KCNJ6: variants seen among roughly 807,000 people sequenced by gnomAD.
KCNJ6 encodes the protein G protein-activated inward rectifier potassium channel 2.
Under a neutral mutation model 34.2 loss-of-function variants are expected in KCNJ6, and 9 were observed. The ratio of observed to expected loss-of-function variants is 0.26; its 90% CI spans 0.16 to 0.46. The LOEUF (loss-of-function observed/expected upper bound fraction) is 0.46. Ranked by LOEUF, KCNJ6 falls within the 20% of genes least tolerant of loss-of-function variation. KCNJ6 has a pLI of 1.00. For synonymous variants in KCNJ6, 196 were observed against 207.1 expected, an observed-to-expected ratio of 0.95 and a Z score of 0.46; for missense variants, 236 against 531.3, an observed-to-expected ratio of 0.44 and a Z score of 5.46.
At chr21:37,845,897 A>C (rs1300892885) in intron 1 of KCNJ6, among the ~76,000 whole-genome samples, 1 of 152,128 alleles carries the variant, frequency 6.6e-6, no homozygotes, top group African/African-American at 2.4e-5. Context: ...GAGCTATGCT[A>C]TTTTGCTCTA....
At chr21:37,865,277 A>G (rs2055616902) in intron 1 of KCNJ6, among the ~76,000 whole-genome samples, 1 of 152,240 alleles carries the variant, frequency 6.6e-6, no homozygotes, top group Admixed American at 6.5e-5. Context: ...GAAATACTCT[A>G]CTTCACTTGA....
At chr21:37,895,354 T>C (rs1362833166) in intron 1 of KCNJ6, among the ~76,000 whole-genome samples, 1 of 152,186 alleles carries the variant, frequency 6.6e-6, no homozygotes, top group Non-Finnish European at 1.5e-5. Context: ...CTAGCTTCAA[T>C]ATGACCCCAT....
Position 37,720,524 on chromosome 21 carries a change from C to A in KCNJ6, c.26-5393G>T, listed in dbSNP as rs534939687. Among the ~76,000 whole-genome samples the A allele has an allele frequency of 1.4e-4, 22 of 152,192 alleles. 1 individual carries two copies. Among genetic ancestry groups the A allele is most frequent in the Non-Finnish European group, 2.9e-4 (20 of 67,980 alleles). On this transcript the variant is annotated intron_variant, in intron 2 of 3. Coordinates refer to ENST00000609713, the MANE Select transcript of KCNJ6 (RefSeq NM_002240.5). ...TTGAAGGAGGAGGGTGTCCAGGAGG[C>A]CTGGGGGCTGGGGGCGCTGTCACAG...
At chr21:37,908,655 A>ATG (rs950025246) in intron 1 of KCNJ6, among the ~76,000 whole-genome samples, 3 of 152,166 alleles carry the variant, frequency 2.0e-5, no homozygotes, top group African/African-American at 7.2e-5. Context: ...ATCAAACAAT[A>ATG]TGTATTTGCA....
At chr21:37,790,617 G>T (rs777450419) in intron 2 of KCNJ6, among the ~76,000 whole-genome samples, 1 of 152,162 alleles carries the variant, frequency 6.6e-6, no homozygotes, top group Non-Finnish European at 1.5e-5. Context: ...TTCACTCTGC[G>T]TAGGTTTTTA....
intron 1 of KCNJ6, among the ~76,000 whole-genome samples, chr21:37,849,560 G>A (rs1389611413): frequency 6.6e-6 from 1 of 152,064 alleles, no homozygotes; most frequent in Admixed American, 6.5e-5. Context: ...CCAGCTCCCC[G>A]CATTCCATGG....
intron 3 of KCNJ6, among the ~76,000 whole-genome samples, chr21:37,697,510 A>ACTCTGGTACCAGCTACG (rs1365540731): frequency 6.6e-6 from 1 of 152,196 alleles, no homozygotes; most frequent in African/African-American, 2.4e-5. Flanking sequence ...CATATGTGCT[A>ACTCTGGTACCAGCTACG]CTGGTACTCA....
intron 3 of KCNJ6, among the ~76,000 whole-genome samples, chr21:37,666,959 C>G (rs1177226141): frequency 6.6e-6 from 1 of 150,518 alleles, no homozygotes; most frequent in Non-Finnish European, 1.5e-5. Context: ...GCAGCATACT[C>G]GTTAAGAGTC....
In KCNJ6 at chr21:37,621,184, A is replaced by T. The variant is rs141706062; in HGVS notation, c.*3975T>A. 333 of 152,350 alleles carry T rather than the reference A, an allele frequency of 2.2e-3. 2 individuals carry two copies. Among genetic ancestry groups the T allele is most frequent in the African/African-American group, 7.3e-3 (303 of 41,588 alleles). The allele number at this position is 152,350 out of a possible 1,614,324, so 9.4% of individuals were successfully genotyped here. ...TCAACTACCTTCCTGACATTTTTAAATCATACAGAGTATCACCCAAGTCAA... is the reference window on the plus strand; with the variant it reads ...TCAACTACCTTCCTGACATTTTTAATTCATACAGAGTATCACCCAAGTCAA... On this transcript the variant is annotated 3_prime_UTR_variant, in exon 4 of 4. Coordinates refer to ENST00000609713, the MANE Select transcript of KCNJ6 (RefSeq NM_002240.5).
At chr21:37,724,082 G>T (rs2054841354) in intron 2 of KCNJ6, among the ~76,000 whole-genome samples, 1 of 152,196 alleles carries the variant, frequency 6.6e-6, no homozygotes, top group Non-Finnish European at 1.5e-5. Flanking sequence ...GAAAAGAGAG[G>T]TGGATGAAGC....
chr21:37,855,703 T>G (rs897277367), intron 1 of KCNJ6, among the ~76,000 whole-genome samples: 1 of 152,230 alleles, frequency 6.6e-6, no homozygotes, highest in Admixed American at 6.5e-5. Flanking sequence ...ATCATGTCCT[T>G]TGTTTATATC....
At position 37,823,662 on chromosome 21, in the gene KCNJ6, A is replaced by T. The variant is rs1382425620; in HGVS notation, c.25+16996T>A. The stretch of plus-strand genomic sequence containing the variant: ...GGTGCCTGGTTCCCCTTTCGCCATG[A>T]TTGTAAGTTTCTTGGGGCCTCCCCA... On this transcript the variant is annotated intron_variant, in intron 2 of 3. Transcript: ENST00000609713. 2.0e-5 allele frequency among the ~76,000 whole-genome samples: 3 copies of T among 152,188 alleles called. No homozygotes were observed. In the East Asian group the frequency reaches 5.8e-4, roughly 29 times the overall value.
intron 3 of KCNJ6, among the ~76,000 whole-genome samples, chr21:37,710,987 T>G (rs546800690): frequency 2.8e-4 from 43 of 152,346 alleles, no homozygotes; most frequent in African/African-American, 9.9e-4. Context: ...TCGCCTGGCA[T>G]GTCCCTCCTG....
chr21:37,901,012 CCCTT>C lies in KCNJ6; in HGVS notation c.-28+14868_-28+14871del, dbSNP rs562906227. 4.9e-3 allele frequency among the ~76,000 whole-genome samples: 735 copies of C among 150,634 alleles called. 9 individuals carry two copies. The highest frequency in any genetic ancestry group is 0.017 in the African/African-American group (709 of 41,088). The stretch of plus-strand genomic sequence containing the variant: ...TATATTCTCCCCCACTTCTGCCTCC[CCCTT>C]CCTTCTCTCCTTCCTGCCTTTCTTT... On this transcript the variant is annotated intron_variant, in intron 1 of 3. Transcript: ENST00000609713.
At chr21:37,777,905 T>A (rs2055149805) in intron 2 of KCNJ6, among the ~76,000 whole-genome samples, 1 of 152,208 alleles carries the variant, frequency 6.6e-6, no homozygotes, top group African/African-American at 2.4e-5. Context: ...CACTCTTGAC[T>A]GTGGTTCAGC....
At chr21:37,755,246 T>C (rs564527186) in intron 2 of KCNJ6, among the ~76,000 whole-genome samples, 1 of 152,152 alleles carries the variant, frequency 6.6e-6, no homozygotes, top group African/African-American at 2.4e-5. Context: ...TTATAGCTTC[T>C]GGTTGTCTAT....
At chr21:37,868,774 CA>C (rs1390354659) in intron 1 of KCNJ6, among the ~76,000 whole-genome samples, 33 of 152,212 alleles carry the variant, frequency 2.2e-4, no homozygotes, top group Non-Finnish European at 4.1e-4. Context: ...AGGGCTCTCA[CA>C]ACGGGCAGGC....
At chr21:37,797,909 C>T (rs1025249895) in intron 2 of KCNJ6, among the ~76,000 whole-genome samples, 1 of 152,182 alleles carries the variant, frequency 6.6e-6, no homozygotes, top group Non-Finnish European at 1.5e-5. Context: ...AGCTACTGAA[C>T]TGGACAAGTT....
At chr21:37,843,881 T>G (rs2055492959) in intron 1 of KCNJ6, among the ~76,000 whole-genome samples, 1 of 152,206 alleles carries the variant, frequency 6.6e-6, no homozygotes. Flanking sequence ...GCAGTCCCAG[T>G]GCAGTGTTGA....
Sources: allele counts gnomAD v4.1 joint callset (sites outside exome capture counted in the v4.1 genomes callset), GRCh38; gene constraint gnomAD v4.1.1; transcripts MANE v1.5; gene names NCBI Gene and HGNC (gene_info 2026-07-23, HGNC 2026-07-21).